ZFP91: variants seen among roughly 807,000 people sequenced by gnomAD.
ZFP91 encodes the protein E3 ubiquitin-protein ligase ZFP91.
ZFP91 carries 7 observed loss-of-function variants against 63.5 expected under a neutral mutation model. The ratio of observed to expected loss-of-function variants is 0.11; its 90% CI spans 0.06 to 0.21. The LOEUF (loss-of-function observed/expected upper bound fraction) is 0.21. Among genes scored for constraint, ZFP91 ranks in the 10% least tolerant of loss-of-function variants. The probability of loss-of-function intolerance (pLI) is 1.00; values close to 1 mark genes in which losing one functional copy is unlikely to be tolerated. For missense variants in ZFP91, 628 were observed against 736.6 expected, an observed-to-expected ratio of 0.85 and a Z score of 1.71; for synonymous variants, 330 against 272.1, an observed-to-expected ratio of 1.21 and a Z score of -2.10.
intron 2 of ZFP91, among the ~76,000 whole-genome samples, chr11:58,604,854 G>A (rs1470269953): frequency 3.9e-5 from 6 of 152,144 alleles, no homozygotes; most frequent in East Asian, 1.9e-4. Context: ...CAGGTCTAAC[G>A]TGAGTTTCTT....
chr11:58,599,556 A>G (rs139371453), intron 2 of ZFP91, among the ~76,000 whole-genome samples: 1 of 152,052 alleles, frequency 6.6e-6, no homozygotes, highest in East Asian at 1.9e-4. Flanking sequence ...GGAAATGGTA[A>G]TCTCATGTGA....
At chr11:58,607,978 A>G (rs955863411) in intron 2 of ZFP91, among the ~76,000 whole-genome samples, 3 of 151,958 alleles carry the variant, frequency 2.0e-5, no homozygotes, top group East Asian at 2.0e-4. Flanking sequence ...AGGTGAAATT[A>G]CTACACATAT....
chr11:58,597,100 T>C (rs1277254792), intron 2 of ZFP91, among the ~76,000 whole-genome samples: 1 of 152,190 alleles, frequency 6.6e-6, no homozygotes, highest in African/African-American at 2.4e-5. Context: ...ACTGGCAAGG[T>C]ACTTTTTTAC....
chr11:58,579,173 AGAGT>A lies in ZFP91; in HGVS notation c.-105_-102del, dbSNP rs1231019695. 3.5e-6 allele frequency: 3 copies of A among 847,608 alleles called. No homozygotes were observed. Among genetic ancestry groups the A allele is most frequent in the Admixed American group, 6.3e-5 (1 of 15,794 alleles). The allele number at this position is 847,608 out of a possible 1,614,324, so 52.5% of individuals were successfully genotyped here. A position where few individuals can be genotyped will look rare whatever the true frequency, so the allele number is the denominator to read the frequency against. ...AGGGGGGAAAGAGGAGCGCAGGGTG[AGAGT>A]GAGCCGCAGGCTTCGGGAGGCGAGG... On this transcript the variant is annotated 5_prime_UTR_variant, in exon 1 of 11. Transcript: ENST00000316059.
chr11:58,611,288 T>G (rs1855657679), intron 5 of ZFP91: 1 of 480,122 alleles, frequency 2.1e-6, no homozygotes, highest in African/African-American at 2.0e-5. Flanking sequence ...AGTCTGCATG[T>G]TTTATTTCAA....
Position 58,612,309 on chromosome 11 carries a change from C to A in ZFP91, c.889C>A (p.Pro297Thr). 6.2e-7 allele frequency: 1 copy of A among 1,613,586 alleles called. No individual in the cohort carries two copies. The highest frequency in any genetic ancestry group is 1.1e-5 in the South Asian group (1 of 91,066). The change falls in exon 7 of 11, where the codon CCA (proline) becomes ACA (threonine). Residue 297 changes from proline to threonine, a missense_variant. Physicochemically the swap from Pro to Thr is conservative, Grantham distance 38. This residue lies in a region of ZFP91 where 76 missense variants were observed against 230.9 expected (regional missense o/e 0.33). Transcript: ENST00000316059. The part of the protein sequence containing the change: ...RGRRRKDDKS[P>T]RLPKRRKKPP... The stretch of plus-strand genomic sequence containing the variant: ...AAGAAGACGAAAAGATGACAAAAGT[C>A]CACGTTTACCCAAAAGGAGGTGAGG...
At chr11:58,582,257 A>G (rs1855130332) in intron 1 of ZFP91, among the ~76,000 whole-genome samples, 1 of 152,232 alleles carries the variant, frequency 6.6e-6, no homozygotes. Flanking sequence ...GTCATAAAAT[A>G]CATTTTAAGA....
intron 2 of ZFP91, among the ~76,000 whole-genome samples, chr11:58,596,138 G>T (rs1461111179): frequency 1.3e-5 from 2 of 151,954 alleles, no homozygotes. Flanking sequence ...AAAATAATCT[G>T]GAGAGAAGAA....
chr11:58,610,430 G>T, intron 4 of ZFP91, 96 bp downstream of exon 4: 1 of 1,216,384 alleles, frequency 8.2e-7, no homozygotes, highest in Non-Finnish European at 1.1e-6. Flanking sequence ...AAATTATTTT[G>T]AGCTGTAAGA....
chr11:58,609,165 CAA>C (rs1046934224), intron 2 of ZFP91, among the ~76,000 whole-genome samples: 18 of 152,220 alleles, frequency 1.2e-4, no homozygotes, highest in African/African-American at 3.1e-4. Context: ...ACTTACTACT[CAA>C]GAGAGGATGA....
At chr11:58,592,384 G>C (rs1855322532) in intron 2 of ZFP91, among the ~76,000 whole-genome samples, 1 of 152,064 alleles carries the variant, frequency 6.6e-6, no homozygotes, top group Non-Finnish European at 1.5e-5. Flanking sequence ...ACCGTGTCCA[G>C]TCTGCACATC....
chr11:58,582,731 T>C (rs1855139739), intron 1 of ZFP91, among the ~76,000 whole-genome samples: 1 of 152,224 alleles, frequency 6.6e-6, no homozygotes, highest in Non-Finnish European at 1.5e-5. Context: ...ATAATTGATA[T>C]TTTATGAATT....
intron 1 of ZFP91, 99 bp downstream of exon 1, chr11:58,579,721 G>A: frequency 8.4e-7 from 1 of 1,194,228 alleles, no homozygotes; most frequent in South Asian, 1.7e-5. Flanking sequence ...ATCCTGCCTG[G>A]TCTGCCCCCT....
chr11:58,604,698 C>T (rs1169373666), intron 2 of ZFP91, among the ~76,000 whole-genome samples: 1 of 152,222 alleles, frequency 6.6e-6, no homozygotes. Context: ...TGTGTCCCAA[C>T]ACAAAATCGT....
At chr11:58,594,963 C>G (rs1855371697) in intron 2 of ZFP91, among the ~76,000 whole-genome samples, 2 of 151,996 alleles carry the variant, frequency 1.3e-5, no homozygotes, top group Admixed American at 6.5e-5. Flanking sequence ...TAAATGGGGC[C>G]CTCTTGGCAC....
chr11:58,618,704 G>A lies in ZFP91; in HGVS notation c.*998G>A, dbSNP rs3168135. 103,968 of 455,972 alleles carry A rather than the reference G, an allele frequency of 0.23. 12,747 individuals carry two copies. Among genetic ancestry groups the A allele is most frequent in the Middle Eastern group, 0.3 (917 of 3,074 alleles). The allele number at this position is 455,972 out of a possible 1,614,324, so 28.2% of individuals were successfully genotyped here. A position where few individuals can be genotyped will look rare whatever the true frequency, so the allele number is the denominator to read the frequency against. On this transcript the variant is annotated 3_prime_UTR_variant, in exon 11 of 11. Transcript: ENST00000316059. ...CAAGACATAGGGTTGAAGAAGCACA[G>A]CCAGCCTCTGAAATCATAGCTCTCC...
intron 1 of ZFP91, among the ~76,000 whole-genome samples, chr11:58,582,163 A>G (rs561793234): frequency 3.9e-5 from 6 of 152,368 alleles, no homozygotes; most frequent in African/African-American, 1.4e-4. Flanking sequence ...CATGGCCCTC[A>G]TCTTCAAGGA....
At position 58,617,699 on chromosome 11, in the gene ZFP91, G is replaced by T; in HGVS notation, c.1706G>T (p.Gly569Val). Residue 569 changes from glycine (G) to valine (V), a missense_variant, in exon 11 of 11, where the codon GGA (glycine) becomes GTA (valine). By Grantham distance (109) the Gly-to-Val change is moderately radical. Coordinates refer to ENST00000316059, the MANE Select transcript of ZFP91 (RefSeq NM_053023.5). This position sits in a 1 kb window ranked among gnomAD's most constrained non-coding sequence, Gnocchi z 4.2. Reference sequence around the variant, plus strand: ...CTGATTGAAGATTCAGACTCTGCCGGACCTTAGTGGACAGGAAGACTTGGG... The same window carrying T: ...CTGATTGAAGATTCAGACTCTGCCGTACCTTAGTGGACAGGAAGACTTGGG... ...EVLIEDSDSA[G>V]P The T allele has an allele frequency of 6.7e-7, 1 of 1,499,440 alleles. No individual in the cohort carries two copies. The highest frequency in any genetic ancestry group is 8.9e-7 in the Non-Finnish European group (1 of 1,125,226). 92.9% of individuals were successfully genotyped at this position (1,499,440 alleles called of 1,614,324 possible).
chr11:58,612,942 A>G (rs976050619), intron 8 of ZFP91, 102 bp downstream of exon 8: 7 of 987,448 alleles, frequency 7.1e-6, no homozygotes, highest in Non-Finnish European at 1.1e-5. Context: ...TTTATCATTG[A>G]CATGTAATGT....
Sources: allele counts gnomAD v4.1 joint callset (sites outside exome capture counted in the v4.1 genomes callset), GRCh38; gene constraint gnomAD v4.1.1; regional missense constraint gnomAD v4.1.1; non-coding constraint Gnocchi (gnomAD v3.1); transcripts MANE v1.5; gene names NCBI Gene and HGNC (gene_info 2026-07-23, HGNC 2026-07-21).